The following AXIN1 variants were observed in gnomAD, a reference collection of about 807,000 sequenced individuals.
The protein encoded by AXIN1 is axin-1.
AXIN1 carries 30 observed loss-of-function variants against 76.4 expected under a neutral mutation model. The observed-to-expected ratio is 0.39, with a 90% confidence interval of 0.29 to 0.53. The LOEUF is 0.53. Ranked by LOEUF, AXIN1 falls within the 20% of genes least tolerant of loss-of-function variation. The probability of loss-of-function intolerance (pLI) is 0.66; values close to 1 mark genes in which losing one functional copy is unlikely to be tolerated. For missense variants in AXIN1, 1,140 were observed against 1,198.8 expected (o/e 0.95, Z 0.72); for synonymous variants, 545 against 501.4 (o/e 1.09, Z -1.16).
At chr16:310,950 C>T (rs759404823) in intron 3 of AXIN1, among the ~76,000 whole-genome samples, 1 of 152,264 alleles carries the variant, frequency 6.6e-6, no homozygotes, top group Non-Finnish European at 1.5e-5. Context: ...GCCAAGGCTG[C>T]ACACTCTGCT....
intron 3 of AXIN1, among the ~76,000 whole-genome samples, chr16:311,139 C>G (rs2053166850): frequency 1.3e-5 from 2 of 151,548 alleles, no homozygotes. Context: ...ACGCCATTCT[C>G]CTGCCTCAGC....
intron 4 of AXIN1, among the ~76,000 whole-genome samples, chr16:307,981 C>A (rs1173782724): frequency 6.6e-6 from 1 of 152,254 alleles, no homozygotes. Flanking sequence ...AAGGTTCCAA[C>A]CACAGCCCCA....
intron 5 of AXIN1, among the ~76,000 whole-genome samples, chr16:301,063 G>A (rs1481936025): frequency 6.6e-6 from 1 of 152,128 alleles, no homozygotes; most frequent in Non-Finnish European, 1.5e-5. Flanking sequence ...AAGGTCGGGA[G>A]ATCGAGACCA....
intron 2 of AXIN1, among the ~76,000 whole-genome samples, chr16:342,083 G>A (rs564176127): frequency 1.4e-4 from 22 of 152,176 alleles, no homozygotes; most frequent in South Asian, 2.1e-4. Flanking sequence ...GTGGTAACTC[G>A]CTCGGGTCCC....
chr16:342,506 CT>C (rs1453057337), intron 2 of AXIN1, among the ~76,000 whole-genome samples: 2 of 152,202 alleles, frequency 1.3e-5, no homozygotes, highest in African/African-American at 4.8e-5. Context: ...ACCCACTCTC[CT>C]TTTCCCTTTG....
rs759073941 is a variant in AXIN1 at position 298,263 on chromosome 16, C to T, written c.1255-12G>A. 2.0e-6 allele frequency: 3 copies of T among 1,537,962 alleles called. No individual in the cohort carries two copies. In the East Asian group the frequency reaches 7.3e-5, roughly 38 times the overall value. On this transcript the variant is annotated splice_polypyrimidine_tract_variant and intron_variant, in intron 5 of 10. Coordinates refer to ENST00000262320, the MANE Select transcript of AXIN1 (RefSeq NM_003502.4). ...TCACCTTCCTCCTCCTGTGTGGGGA[C>T]AAGCAGCACCATCACCTCTCAGCAC... is the stretch of plus-strand genomic sequence containing the variant.
rs1386002302 is a variant in AXIN1, at chr16:299,062, C to T, written c.1255-811G>A. 5.7e-5 allele frequency: 56 copies of T among 985,302 alleles called. No homozygotes were observed. In the South Asian group the frequency reaches 1.9e-3, roughly 34 times the overall value. The allele number at this position is 985,302 out of a possible 1,614,324, so 61.0% of individuals were successfully genotyped here. On this transcript the variant is annotated intron_variant, in intron 5 of 10. Transcript: ENST00000262320. ...GATGACAGGCATGAGCCGCCGCGCC[C>T]GGCCTCCCATTATATTTTAAGGAGA...
chr16:295,320 G>C (rs970918580), intron 7 of AXIN1, among the ~76,000 whole-genome samples: 4 of 151,850 alleles, frequency 2.6e-5, no homozygotes, highest in Non-Finnish European at 5.9e-5. Flanking sequence ...ATGTTGGCCA[G>C]TCTGGTCTCG....
intron 2 of AXIN1, among the ~76,000 whole-genome samples, chr16:322,500 G>A (rs1247140297): frequency 6.6e-6 from 1 of 152,208 alleles, no homozygotes; most frequent in Admixed American, 6.5e-5. Context: ...GCAGGTGCTG[G>A]TGCTGACCTG....
intron 2 of AXIN1, among the ~76,000 whole-genome samples, chr16:333,566 A>G (rs2053738256): frequency 6.6e-6 from 1 of 152,116 alleles, no homozygotes; most frequent in Non-Finnish European, 1.5e-5. Flanking sequence ...TTGATAAAGA[A>G]AACATCCAAA....
At chr16:302,494 AC>A (rs2052899300) in intron 5 of AXIN1, among the ~76,000 whole-genome samples, 1 of 152,200 alleles carries the variant, frequency 6.6e-6, no homozygotes, top group African/African-American at 2.4e-5. Flanking sequence ...CAGCGACCAC[AC>A]CTGGTCCCCG....
chr16:324,239 C>T (rs1009897176), intron 2 of AXIN1, among the ~76,000 whole-genome samples: 1 of 139,460 alleles, frequency 7.2e-6, no homozygotes, highest in Admixed American at 6.9e-5. Flanking sequence ...GCACTGGGCA[C>T]GAGGCCACCT....
intron 2 of AXIN1, among the ~76,000 whole-genome samples, chr16:331,834 C>G (rs1400941163): frequency 1.3e-5 from 2 of 152,174 alleles, no homozygotes; most frequent in Non-Finnish European, 2.9e-5. Context: ...GCCAGTGCCT[C>G]TACTTACGTC....
At chr16:340,941 T>C (rs2053904850) in intron 2 of AXIN1, among the ~76,000 whole-genome samples, 1 of 152,230 alleles carries the variant, frequency 6.6e-6, no homozygotes, top group African/African-American at 2.4e-5. Flanking sequence ...TGGATGCCTG[T>C]GGCCGTGCTG....
intron 1 of AXIN1, among the ~76,000 whole-genome samples, chr16:351,898 C>G: frequency 6.6e-6 from 1 of 151,984 alleles, no homozygotes; most frequent in Non-Finnish European, 1.5e-5. Flanking sequence ...AAGTGCGGGG[C>G]GGGGGTAGAA....
chr16:289,866 G>A (rs1033047421), intron 9 of AXIN1: 81 of 568,320 alleles, frequency 1.4e-4, no homozygotes, highest in Non-Finnish European at 2.3e-4. Flanking sequence ...ACTGGCCAGG[G>A]CCTGGCTGCC....
intron 2 of AXIN1, among the ~76,000 whole-genome samples, chr16:336,420 T>C (rs1450124129): frequency 6.6e-6 from 1 of 152,134 alleles, no homozygotes; most frequent in Non-Finnish European, 1.5e-5. Flanking sequence ...GCCCAATTAA[T>C]ATGTGTCAGC....
intron 2 of AXIN1, among the ~76,000 whole-genome samples, chr16:334,373 C>T (rs1360037678): frequency 1.3e-5 from 2 of 150,962 alleles, no homozygotes; most frequent in African/African-American, 4.9e-5. Flanking sequence ...TAACACAGCA[C>T]CCAGTACCAC....
chr16:302,944 C>T (rs1178042847), intron 5 of AXIN1, among the ~76,000 whole-genome samples: 1 of 152,120 alleles, frequency 6.6e-6, no homozygotes, highest in Non-Finnish European at 1.5e-5. Context: ...TCACTGTAGA[C>T]CTGACCTCCT....
Sources: allele counts gnomAD v4.1 joint callset (sites outside exome capture counted in the v4.1 genomes callset), GRCh38; gene constraint gnomAD v4.1.1; transcripts MANE v1.5; gene names NCBI Gene and HGNC (gene_info 2026-07-23, HGNC 2026-07-21).